Variants in TOX observed in about 807,000 individuals in gnomAD.
TOX encodes thymocyte selection associated high mobility group box, also known as thymocyte selection-associated high mobility group box protein TOX.
Under a neutral mutation model 53.7 loss-of-function variants are expected in TOX, and 11 were observed. The ratio of observed to expected loss-of-function variants is 0.20; its 90% confidence interval spans 0.13 to 0.34. The LOEUF is 0.34. Among genes scored for constraint, TOX ranks in the 10% least tolerant of loss-of-function variants. TOX has a pLI of 1.00. For missense variants in TOX, 570 were observed against 664.6 expected (o/e 0.86, Z 1.56); for synonymous variants, 225 against 245.3 (o/e 0.92, Z 0.77).
intron 1 of TOX, among the ~76,000 whole-genome samples, chr8:59,057,642 A>T: frequency 6.6e-6 from 1 of 152,284 alleles, no homozygotes; most frequent in East Asian, 1.9e-4. Context: ...TACACAAACA[A>T]AACAGTGTGT....
chr8:59,060,716 AC>A (rs577177568), intron 1 of TOX, among the ~76,000 whole-genome samples: 2 of 152,198 alleles, frequency 1.3e-5, no homozygotes, highest in Non-Finnish European at 2.9e-5. Context: ...TATACCTGTC[AC>A]CTTTTTGAAG....
At chr8:58,973,983 G>A (rs1433080872) in intron 1 of TOX, among the ~76,000 whole-genome samples, 1 of 151,862 alleles carries the variant, frequency 6.6e-6, no homozygotes, top group Non-Finnish European at 1.5e-5. Flanking sequence ...TTTTTAGTAG[G>A]GATGGGGTTT....
Position 58,851,491 on chromosome 8 carries a change from C to G in TOX, c.693+33G>C, listed in dbSNP as rs768041680. ...GTCAAAGAAGGTGCCTAAGAATAGT[C>G]TCCCATAGGTCCTAAAAATAACTTA... On this transcript the variant is annotated intron_variant, in intron 4 of 8. Transcript: ENST00000361421. This position sits in a 1 kb window ranked among gnomAD's most constrained non-coding sequence, Gnocchi z 4.4. 1 of 1,606,110 alleles carries G rather than the reference C, an allele frequency of 6.2e-7. No homozygotes were observed. The highest frequency in any genetic ancestry group is 1.3e-5 in the African/African-American group (1 of 74,664).
chr8:58,898,960 T>TCAAG (rs1811692844), intron 3 of TOX, among the ~76,000 whole-genome samples: 1 of 152,200 alleles, frequency 6.6e-6, no homozygotes, highest in African/African-American at 2.4e-5. Flanking sequence ...TTAAAGGAAA[T>TCAAG]CAAGGCTCTG....
intron 3 of TOX, among the ~76,000 whole-genome samples, chr8:58,936,764 T>G (rs533986695): frequency 2.0e-5 from 3 of 152,284 alleles, no homozygotes; most frequent in Non-Finnish European, 2.9e-5. Context: ...CAAATCTTCT[T>G]TCTCTGAGAC....
Position 58,889,034 on chromosome 8 carries a change from C to T in TOX, c.412-37229G>A, listed in dbSNP as rs1811517946. 2.6e-5 allele frequency among the ~76,000 whole-genome samples: 4 copies of T among 151,854 alleles called. No individual in the cohort carries two copies. The South Asian group carries it at 8.3e-4, about 32-fold the overall frequency. ...GTTTGATAAGGCTAAGAGAAACAGGCATTCCCATATCTAGAGAATAAAAAT... is the reference window on the plus strand; with the variant it reads ...GTTTGATAAGGCTAAGAGAAACAGGTATTCCCATATCTAGAGAATAAAAAT... On this transcript the variant is annotated intron_variant, in intron 3 of 8. Coordinates refer to ENST00000361421, the MANE Select transcript of TOX (RefSeq NM_014729.3).
rs71557744 is a variant in TOX, at chr8:58,963,314, T to TATATATAGATAGATAG, written c.103-3307_103-3306insCTATCTATCTATATAT. The stretch of plus-strand genomic sequence containing the variant: ...TAGAAGATAGATAGATAGATATATA[T>TATATATAGATAGATAG]ATAGATAGATAGATAGATAGATAGA... On this transcript the variant is annotated intron_variant, in intron 1 of 8. Transcript: ENST00000361421. Among the ~76,000 whole-genome samples, 653 of 130,728 alleles carry TATATATAGATAGATAG rather than the reference T, an allele frequency of 5.0e-3. 3 individuals carry two copies. The highest frequency in any genetic ancestry group is 6.0e-3 in the Non-Finnish European group (344 of 56,950). 85.8% of individuals were successfully genotyped at this position (130,728 alleles called of 152,430 possible). A position where few individuals can be genotyped will look rare whatever the true frequency, so the allele number is the denominator to read the frequency against.
At chr8:58,823,937 T>C (rs1343237644) in intron 6 of TOX, among the ~76,000 whole-genome samples, 1 of 152,186 alleles carries the variant, frequency 6.6e-6, no homozygotes, top group Non-Finnish European at 1.5e-5. Flanking sequence ...CTAAAATATA[T>C]AGCTCTGGAT....
At chr8:59,054,184 A>G (rs1803842981) in intron 1 of TOX, among the ~76,000 whole-genome samples, 1 of 152,204 alleles carries the variant, frequency 6.6e-6, no homozygotes, top group African/African-American at 2.4e-5. Context: ...TTAATTATTA[A>G]ATGCTTACGT....
chr8:59,057,685 T>C (rs1319096541), intron 1 of TOX, among the ~76,000 whole-genome samples: 1 of 152,200 alleles, frequency 6.6e-6, no homozygotes, highest in Non-Finnish European at 1.5e-5. Context: ...ATTATATATA[T>C]GAATGCTGGG....
chr8:58,990,413 TTTTA>T (rs548596900), intron 1 of TOX, among the ~76,000 whole-genome samples: 50 of 151,398 alleles, frequency 3.3e-4, no homozygotes, highest in African/African-American at 8.9e-4. Flanking sequence ...ATTTATTTAT[TTTTA>T]TTTATTTATT....
chr8:58,811,455 C>G (rs1298076847), intron 7 of TOX, among the ~76,000 whole-genome samples: 1 of 152,184 alleles, frequency 6.6e-6, no homozygotes, highest in Admixed American at 6.5e-5. Flanking sequence ...GTTGTGCCAC[C>G]AGAGCAAGTC....
chr8:58,871,057 T>A (rs1811187825), intron 3 of TOX, among the ~76,000 whole-genome samples: 1 of 150,952 alleles, frequency 6.6e-6, no homozygotes, highest in African/African-American at 2.4e-5. Flanking sequence ...ATGAACAGAG[T>A]GTGGTACATC....
intron 1 of TOX, among the ~76,000 whole-genome samples, chr8:59,011,740 C>T (rs1813909151): frequency 6.6e-6 from 1 of 152,058 alleles, no homozygotes; most frequent in African/African-American, 2.4e-5. Context: ...TAATAACCAC[C>T]TTTCTTCTGA....
chr8:58,876,779 C>T lies in TOX; in HGVS notation c.412-24974G>A, dbSNP rs553120896. Among the ~76,000 whole-genome samples the T allele has an allele frequency of 2.0e-5, 3 of 152,186 alleles. No homozygotes were observed. In the East Asian group the frequency reaches 5.8e-4, roughly 29 times the overall value. On this transcript the variant is annotated intron_variant, in intron 3 of 8. Transcript: ENST00000361421. Reference sequence around the variant, plus strand: ...TGAGAACTTTCATTCCACAGCTATTCGTGGAGTGCCTATTACATGCCAAGC... The same window carrying T: ...TGAGAACTTTCATTCCACAGCTATTTGTGGAGTGCCTATTACATGCCAAGC...
intron 1 of TOX, among the ~76,000 whole-genome samples, chr8:58,967,710 C>T (rs1030165996): frequency 2.6e-5 from 4 of 152,178 alleles, no homozygotes; most frequent in South Asian, 2.1e-4. Flanking sequence ...CAGCAACCAG[C>T]GATGAGTTGT....
At chr8:58,891,670 T>C (rs185614028) in intron 3 of TOX, among the ~76,000 whole-genome samples, 3 of 152,350 alleles carry the variant, frequency 2.0e-5, no homozygotes, top group Admixed American at 2.0e-4. Flanking sequence ...TAGATAACTC[T>C]GATTTCTTCA....
chr8:59,026,879 T>C (rs1476280919), intron 1 of TOX, among the ~76,000 whole-genome samples: 1 of 145,238 alleles, frequency 6.9e-6, no homozygotes, highest in Non-Finnish European at 1.5e-5. Flanking sequence ...ATAGAATTCT[T>C]TAAAGAGAAA....
chr8:58,840,514 C>T (rs893600115), intron 4 of TOX, among the ~76,000 whole-genome samples: 4 of 152,258 alleles, frequency 2.6e-5, no homozygotes, highest in South Asian at 2.1e-4. Context: ...ATTAGAGTCA[C>T]CTGGTCAGCT....
Sources: allele counts gnomAD v4.1 joint callset (sites outside exome capture counted in the v4.1 genomes callset), GRCh38; gene constraint gnomAD v4.1.1; non-coding constraint Gnocchi (gnomAD v3.1); transcripts MANE v1.5; gene names NCBI Gene and HGNC (gene_info 2026-07-23, HGNC 2026-07-21).